The following RUFY1 variants were observed in gnomAD, a reference collection of about 807,000 sequenced individuals.
RUFY1 encodes RUN and FYVE domain-containing protein 1.
A neutral mutation model predicts 94.6 loss-of-function variants in RUFY1; 54 were observed. The observed-to-expected ratio is 0.57, with a 90% CI of 0.46 to 0.72. The LOEUF is 0.72. Ranked by LOEUF, RUFY1 falls within the 30% of genes least tolerant of loss-of-function variation. The pLI, the probability that RUFY1 is intolerant of heterozygous loss-of-function variation, is 0.00. For synonymous variants in RUFY1, 396 were observed against 347.3 expected (o/e 1.14, Z -1.56); for missense variants, 883 against 883.9 (o/e 1.00, Z 0.01).
chr5:179,554,734 G>A (rs142653602), intron 1 of RUFY1, among the ~76,000 whole-genome samples: 3,247 of 150,920 alleles, frequency 0.022, 133 homozygotes, highest in African/African-American at 0.073. Flanking sequence ...TTGGGAGGCC[G>A]AGGCGGGCGG....
intron 1 of RUFY1, among the ~76,000 whole-genome samples, chr5:179,552,371 T>C (rs1164221316): frequency 6.6e-6 from 1 of 152,102 alleles, no homozygotes; most frequent in African/African-American, 2.4e-5. Context: ...GGCTTCCTGA[T>C]TCCTCCCCAT....
chr5:179,551,291 C>CTT (rs1761833458), intron 1 of RUFY1, among the ~76,000 whole-genome samples: 1 of 152,234 alleles, frequency 6.6e-6, no homozygotes, highest in Non-Finnish European at 1.5e-5. Context: ...GGCGCCTCCG[C>CTT]TCACCTCTGC....
chr5:179,601,891 G>A lies in RUFY1; in HGVS notation c.1762-1G>A, dbSNP rs1275416386. The A allele has an allele frequency of 1.2e-6, 2 of 1,607,780 alleles. No homozygotes were observed. The highest frequency in any genetic ancestry group is 1.7e-6 in the Non-Finnish European group (2 of 1,175,208). ...GCATCTGGTTGGTTTGTTCATTTTAGGAGTTGCGGGAGCTTCAGGACGAGA... is the reference window on the plus strand; with the variant it reads ...GCATCTGGTTGGTTTGTTCATTTTAAGAGTTGCGGGAGCTTCAGGACGAGA... On this transcript the variant is annotated splice_acceptor_variant, in intron 14 of 17. Coordinates refer to ENST00000319449, the MANE Select transcript of RUFY1 (RefSeq NM_025158.5). LOFTEE classifies it high-confidence loss of function.
At chr5:179,577,046 T>C in intron 5 of RUFY1, 29 bp from the exon 6 acceptor site, 1 of 1,450,602 alleles carries the variant, frequency 6.9e-7, no homozygotes, top group Non-Finnish European at 9.7e-7. Flanking sequence ...GGACATTTTA[T>C]TTAAACTTGT....
intron 5 of RUFY1, among the ~76,000 whole-genome samples, 185 bp downstream of exon 5, chr5:179,569,610 C>G (rs987265814): frequency 6.6e-6 from 1 of 152,000 alleles, no homozygotes; most frequent in African/African-American, 2.4e-5. Context: ...GAGGTACACA[C>G]GGAAAGCTTG....
intron 5 of RUFY1, among the ~76,000 whole-genome samples, chr5:179,576,659 A>C (rs1467829154): frequency 6.6e-6 from 1 of 151,886 alleles, no homozygotes; most frequent in Non-Finnish European, 1.5e-5. Context: ...GACCTCAGGC[A>C]ATCCACCAGC....
chr5:179,569,948 G>A (rs1008596139), intron 5 of RUFY1, among the ~76,000 whole-genome samples: 17 of 152,156 alleles, frequency 1.1e-4, no homozygotes, highest in Non-Finnish European at 2.4e-4. Flanking sequence ...GTTTCACCGT[G>A]TTAGCCAGGA....
chr5:179,564,097 A>G (rs978076436), intron 3 of RUFY1, among the ~76,000 whole-genome samples: 1 of 148,218 alleles, frequency 6.7e-6, no homozygotes, highest in South Asian at 2.1e-4. Flanking sequence ...AAGCACCTAC[A>G]CAGACGGCGT....
rs746629196 is a variant in RUFY1 at position 179,594,850 on chromosome 5, T to A, written c.1414-16T>A. ...GTGGGACAGGCAGAGTATGAACCCT[T>A]CCTTTGCTTTTGTAGAATGCAGAGA... On this transcript the variant is annotated splice_polypyrimidine_tract_variant and intron_variant, in intron 11 of 17. Coordinates refer to ENST00000319449, the MANE Select transcript of RUFY1 (RefSeq NM_025158.5). 2.5e-6 allele frequency: 4 copies of A among 1,582,350 alleles called. No homozygotes were observed. The South Asian group carries it at 4.4e-5, about 18-fold the overall frequency.
chr5:179,564,556 G>A (rs1762687867), intron 3 of RUFY1, among the ~76,000 whole-genome samples: 1 of 150,994 alleles, frequency 6.6e-6, no homozygotes. Flanking sequence ...CTCCCAAATA[G>A]CTGGGACTAT....
chr5:179,579,657 C>CTTCTTTTTTTTT (rs1433456916), intron 6 of RUFY1, among the ~76,000 whole-genome samples: 9 of 50,560 alleles, frequency 1.8e-4, no homozygotes, highest in African/African-American at 4.9e-4. Context: ...TTTTCTTCTT[C>CTTCTTTTTTTTT]TTTTTTTTTT....
In RUFY1 at chr5:179,606,565, C is replaced by G. The variant is rs528878219; in HGVS notation, c.1905+641C>G. 1.8e-3 allele frequency: 283 copies of G among 155,730 alleles called. 2 individuals are homozygous for G. The highest frequency in any genetic ancestry group is 6.7e-3 in the Middle Eastern group (2 of 300). The allele number at this position is 155,730 out of a possible 1,614,324, so 9.6% of individuals were successfully genotyped here. ...TTCGGCCTCAGCTGTGCCGTGGCAGCAATGCAAAAGCAGTCCCTTTGCACA... is the reference window on the plus strand; with the variant it reads ...TTCGGCCTCAGCTGTGCCGTGGCAGGAATGCAAAAGCAGTCCCTTTGCACA... On this transcript the variant is annotated intron_variant, in intron 16 of 17. Transcript: ENST00000319449.
At chr5:179,568,210 A>G (rs1762978494) in intron 4 of RUFY1, among the ~76,000 whole-genome samples, 1 of 151,800 alleles carries the variant, frequency 6.6e-6, no homozygotes, top group African/African-American at 2.4e-5. Context: ...ACACCACTGT[A>G]CCTCCAGCCT....
At position 179,579,657 on chromosome 5, in the gene RUFY1, C is replaced by CTT. The variant is rs61062422; in HGVS notation, c.891-1269_891-1268dup. 1.2e-3 allele frequency among the ~76,000 whole-genome samples: 60 copies of CTT among 50,514 alleles called. 9 individuals are homozygous for CTT. The highest frequency in any genetic ancestry group is 2.3e-3 in the African/African-American group (38 of 16,286). 33.1% of individuals were successfully genotyped at this position (50,514 alleles called of 152,430 possible). On this transcript the variant is annotated intron_variant, in intron 6 of 17. Coordinates refer to ENST00000319449, the MANE Select transcript of RUFY1 (RefSeq NM_025158.5). Reference sequence around the variant, plus strand: ...TAACAAAATATACCCTTTTCTTCTTCTTTTTTTTTTTTTTTTTTTTTTGAG... The same window carrying CTT: ...TAACAAAATATACCCTTTTCTTCTTCTTTTTTTTTTTTTTTTTTTTTTTTGAG...
chr5:179,603,222 A>G (rs10213708), intron 15 of RUFY1, among the ~76,000 whole-genome samples: 6,870 of 151,370 alleles, frequency 0.045, 508 homozygotes, highest in African/African-American at 0.16. Flanking sequence ...CCGAGATTGC[A>G]CCACTGCACT....
intron 7 of RUFY1, among the ~76,000 whole-genome samples, chr5:179,584,298 C>T (rs938280459): frequency 6.6e-6 from 1 of 152,170 alleles, no homozygotes; most frequent in Non-Finnish European, 1.5e-5. Context: ...GGCAGCATGA[C>T]CTGTTGCCCA....
Position 179,550,556 on chromosome 5 carries a change from A to G in RUFY1, c.-14A>G, listed in dbSNP as rs1761761834. 4 of 491,198 alleles carry G rather than the reference A, an allele frequency of 8.1e-6. No individual in the cohort carries two copies. The African/African-American group carries it at 2.7e-4, about 34-fold the overall frequency. 30.4% of individuals were successfully genotyped at this position (491,198 alleles called of 1,614,324 possible). ...CGCGCCCGCCCGCCCGCTGGGTCACATGACACGGCCAAGATGGCCGACCGG... is the reference window on the plus strand; with the variant it reads ...CGCGCCCGCCCGCCCGCTGGGTCACGTGACACGGCCAAGATGGCCGACCGG... On this transcript the variant is annotated 5_prime_UTR_variant, in exon 1 of 18. It removes an upstream start codon present in the reference 5' UTR. Coordinates refer to ENST00000319449, the MANE Select transcript of RUFY1 (RefSeq NM_025158.5).
intron 1 of RUFY1, among the ~76,000 whole-genome samples, chr5:179,552,650 C>A (rs77216459): frequency 6.6e-6 from 1 of 152,142 alleles, no homozygotes; most frequent in Non-Finnish European, 1.5e-5. Context: ...CAAGGCATGG[C>A]GTCTCCTGGA....
At chr5:179,593,813 TGGG>T (rs1765305774) in intron 11 of RUFY1, among the ~76,000 whole-genome samples, 168 bp downstream of exon 11, 1 of 152,064 alleles carries the variant, frequency 6.6e-6, no homozygotes, top group African/African-American at 2.4e-5. Context: ...CCCTGAGAAA[TGGG>T]GGGAAATGTA....
Sources: gnomAD v4.1 joint callset for allele counts (sites outside exome capture counted in the v4.1 genomes callset) on GRCh38, gnomAD v4.1.1 for gene constraint, MANE v1.5 for transcripts, NCBI Gene and HGNC (gene_info 2026-07-23, HGNC 2026-07-21) for gene names.